Variants in FERMT1 observed in about 807,000 individuals in gnomAD.
FERMT1 encodes the protein FERM domain containing kindlin 1.
FERMT1 carries 60 observed loss-of-function variants against 85.3 expected under a neutral mutation model. The ratio of observed to expected loss-of-function variants is 0.70; its 90% CI spans 0.57 to 0.87. FERMT1 has a LOEUF of 0.87. Among genes scored for constraint, FERMT1 ranks in the 40% least tolerant of loss-of-function variants. FERMT1 has a pLI of 0.00. For missense variants in FERMT1, 701 were observed against 818.9 expected (o/e 0.86, Z 1.76); for synonymous variants, 275 against 301.1 (o/e 0.91, Z 0.90).
intron 5 of FERMT1, 26 bp from the exon 6 acceptor site, chr20:6,107,660 G>A (rs774560851): frequency 4.5e-6 from 6 of 1,326,750 alleles, no homozygotes; most frequent in South Asian, 1.2e-5. Flanking sequence ...ATGAGTTTTA[G>A]AAGCCAGTCA....
intron 6 of FERMT1, among the ~76,000 whole-genome samples, chr20:6,106,515 A>G (rs6053909): frequency 0.62 from 93,990 of 152,000 alleles, 29,510 homozygotes; most frequent in East Asian, 0.85. Flanking sequence ...TGATGGGAGC[A>G]TGCAACACAG....
intron 5 of FERMT1, among the ~76,000 whole-genome samples, chr20:6,109,073 G>T (rs1338372425): frequency 6.6e-6 from 1 of 152,148 alleles, no homozygotes; most frequent in African/African-American, 2.4e-5. Flanking sequence ...TCCACATGTG[G>T]CTAGGGGTTC....
At chr20:6,113,256 G>A (rs1285129218) in intron 3 of FERMT1, among the ~76,000 whole-genome samples, 1 of 152,108 alleles carries the variant, frequency 6.6e-6, no homozygotes, top group Non-Finnish European at 1.5e-5. Flanking sequence ...TGATTGTGAG[G>A]CCTCCCCAGC....
intron 14 of FERMT1, among the ~76,000 whole-genome samples, chr20:6,077,738 T>TG (rs1231925207): frequency 1.3e-5 from 2 of 152,076 alleles, no homozygotes; most frequent in African/African-American, 2.4e-5. Flanking sequence ...TGGGGTACAG[T>TG]GGCACGATCT....
chr20:6,121,917 G>A (rs1255197514), intron 1 of FERMT1, among the ~76,000 whole-genome samples: 1 of 152,230 alleles, frequency 6.6e-6, no homozygotes, highest in Admixed American at 6.5e-5. Context: ...GGAGACAAAA[G>A]ATGCCCCTTC....
intron 6 of FERMT1, among the ~76,000 whole-genome samples, chr20:6,102,693 AAAAAAAAAG>A (rs1467424651): frequency 1.4e-5 from 2 of 144,920 alleles, no homozygotes; most frequent in Non-Finnish European, 3.0e-5. Context: ...AAAAAAAAAA[AAAAAAAAAG>A]AAAAGAAAAT....
chr20:6,085,596 ATCC>A (rs1466896516), intron 11 of FERMT1, among the ~76,000 whole-genome samples: 2 of 152,190 alleles, frequency 1.3e-5, no homozygotes, highest in African/African-American at 4.8e-5. Flanking sequence ...CATGCCTGTC[ATCC>A]TCAACTTTGG....
rs4564854 is a variant in FERMT1, at chr20:6,083,727, G to A, written c.1718+313C>T. ...AAAACAAAAAAAAAAAAACCGAAAA[G>A]AAGTTACAGATTTCATAAAATCAAT... On this transcript the variant is annotated intron_variant, in intron 13 of 14. Coordinates refer to ENST00000217289, the MANE Select transcript of FERMT1 (RefSeq NM_017671.5). Among the ~76,000 whole-genome samples, 43,050 of 117,862 alleles carry A rather than the reference G, an allele frequency of 0.37. 7,249 individuals are homozygous for A. Among genetic ancestry groups the A allele is most frequent in the East Asian group, 0.65 (2,942 of 4,558 alleles). 77.3% of individuals were successfully genotyped at this position (117,862 alleles called of 152,430 possible).
Position 6,110,528 on chromosome 20 carries a change from T to C in FERMT1, c.533-17A>G. 1 of 1,572,294 alleles carries C rather than the reference T, an allele frequency of 6.4e-7. No individual in the cohort carries two copies. Among genetic ancestry groups the C allele is most frequent in the Non-Finnish European group, 8.8e-7 (1 of 1,141,874 alleles). On this transcript the variant is annotated splice_polypyrimidine_tract_variant and intron_variant, in intron 4 of 14. Coordinates refer to ENST00000217289, the MANE Select transcript of FERMT1 (RefSeq NM_017671.5). ...CAGGACTTACTGCAAGGCAGGGGGA[T>C]CAAGAACTATGATATGAGAATCCAG...
At chr20:6,088,785 G>A (rs529717519) in intron 10 of FERMT1, among the ~76,000 whole-genome samples, 180 bp downstream of exon 10, 1 of 152,004 alleles carries the variant, frequency 6.6e-6, no homozygotes, top group African/African-American at 2.4e-5. Flanking sequence ...CACCACGCCT[G>A]GCTAATTTTG....
chr20:6,108,769 A>G (rs1344306762), intron 5 of FERMT1, among the ~76,000 whole-genome samples: 4 of 151,366 alleles, frequency 2.6e-5, no homozygotes, highest in Non-Finnish European at 4.4e-5. Flanking sequence ...AGCCGAGATC[A>G]TGCCATTGCA....
In FERMT1 at chr20:6,118,143, C is replaced by A. The variant is rs530443287; in HGVS notation, c.151+1261G>T. Among the ~76,000 whole-genome samples, 11 of 152,230 alleles carry A rather than the reference C, an allele frequency of 7.2e-5. No homozygotes were observed. In the South Asian group the frequency reaches 2.3e-3, roughly 32 times the overall value. ...TGAAAATGTAAACAACCCAAATGTC[C>A]ATTAAGAGGTAAATGGATAAATAAT... On this transcript the variant is annotated intron_variant, in intron 2 of 14. Transcript: ENST00000217289.
chr20:6,075,382 C>T lies in FERMT1; in HGVS notation c.*1791G>A, dbSNP rs1201432586. The T allele has an allele frequency of 1.4e-4, 1 of 7,070 alleles. No homozygotes were observed. Among genetic ancestry groups the T allele is most frequent in the Non-Finnish European group, 2.5e-4 (1 of 4,022 alleles). The allele number at this position is 7,070 out of a possible 1,614,324, so 0.4% of individuals were successfully genotyped here. A position where few individuals can be genotyped will look rare whatever the true frequency, so the allele number is the denominator to read the frequency against. On this transcript the variant is annotated 3_prime_UTR_variant, in exon 15 of 15. Coordinates refer to ENST00000217289, the MANE Select transcript of FERMT1 (RefSeq NM_017671.5). ...ACTGAGAAATAGGACTGAGAAATGA[C>T]CAACATCAAGTATATACGGTACACT...
chr20:6,099,090 G>A (rs1421159225), intron 6 of FERMT1, among the ~76,000 whole-genome samples: 1 of 152,076 alleles, frequency 6.6e-6, no homozygotes, highest in African/African-American at 2.4e-5. Context: ...ACAATAGAAC[G>A]CTATTCAGCC....
rs2123104422 is a variant in FERMT1, at chr20:6,087,437, A to G, written c.1371+340T>C. Among the ~76,000 whole-genome samples, 3 of 152,226 alleles carry G rather than the reference A, an allele frequency of 2.0e-5. No homozygotes were observed. In the South Asian group the frequency reaches 6.2e-4, roughly 32 times the overall value. On this transcript the variant is annotated intron_variant, in intron 11 of 14. Coordinates refer to ENST00000217289, the MANE Select transcript of FERMT1 (RefSeq NM_017671.5). ...GTGATTCTCCTGCCTCAGCCTCCCAAGTAGCTGGGATTACAGGCACCCACC... is the reference window on the plus strand; with the variant it reads ...GTGATTCTCCTGCCTCAGCCTCCCAGGTAGCTGGGATTACAGGCACCCACC...
At chr20:6,077,674 T>C (rs1981868235) in intron 14 of FERMT1, among the ~76,000 whole-genome samples, 2 of 151,978 alleles carry the variant, frequency 1.3e-5, no homozygotes, top group African/African-American at 2.4e-5. Flanking sequence ...CGCAGGCACT[T>C]TATTTTTATT....
chr20:6,121,076 G>T (rs1983259103), intron 1 of FERMT1, among the ~76,000 whole-genome samples: 1 of 152,188 alleles, frequency 6.6e-6, no homozygotes. Context: ...GATTTTATGG[G>T]TGAGGATGAA....
intron 12 of FERMT1, among the ~76,000 whole-genome samples, chr20:6,084,544 C>T (rs1982106549): frequency 6.6e-6 from 1 of 152,128 alleles, no homozygotes; most frequent in South Asian, 2.1e-4. Flanking sequence ...TAAGTTCAAT[C>T]TGGGAATACC....
chr20:6,111,637 AC>A (rs1437664152), intron 4 of FERMT1, among the ~76,000 whole-genome samples: 20 of 143,992 alleles, frequency 1.4e-4, no homozygotes, highest in African/African-American at 4.9e-4. Flanking sequence ...GTCTAAAAAA[AC>A]AAAACAAAAC....
Sources: gnomAD v4.1 joint callset for allele counts (sites outside exome capture counted in the v4.1 genomes callset) on GRCh38, gnomAD v4.1.1 for gene constraint, MANE v1.5 for transcripts, NCBI Gene and HGNC (gene_info 2026-07-23, HGNC 2026-07-21) for gene names.